The following KCNIP1 variants were observed in gnomAD, a reference collection of about 807,000 sequenced individuals.
The protein encoded by KCNIP1 is potassium voltage-gated channel interacting protein 1, also known as A-type potassium channel modulatory protein KCNIP1.
KCNIP1 carries 18 observed loss-of-function variants against 33.0 expected under a neutral mutation model. That is an observed-to-expected ratio of 0.55 (90% CI 0.38 to 0.81). The LOEUF (loss-of-function observed/expected upper bound fraction) is 0.81. Ranked by LOEUF, KCNIP1 falls within the 30% of genes least tolerant of loss-of-function variation. The pLI is 0.00. For synonymous variants in KCNIP1, 93 were observed against 98.3 expected, an observed-to-expected ratio of 0.95 and a Z score of 0.32; for missense variants, 238 against 271.6, an observed-to-expected ratio of 0.88 and a Z score of 0.87.
At chr5:170,619,934 T>A (rs1478506698) in intron 1 of KCNIP1, among the ~76,000 whole-genome samples, 1 of 152,068 alleles carries the variant, frequency 6.6e-6, no homozygotes, top group Non-Finnish European at 1.5e-5. Context: ...GGTTGAGGGG[T>A]CTGAAGAAGG....
intron 1 of KCNIP1, among the ~76,000 whole-genome samples, chr5:170,546,840 T>C (rs1289823491): frequency 6.6e-6 from 1 of 152,324 alleles, no homozygotes; most frequent in East Asian, 1.9e-4. Flanking sequence ...CGCACATAAA[T>C]ATTAATTTAG....
intron 1 of KCNIP1, among the ~76,000 whole-genome samples, chr5:170,532,572 TGAG>T (rs1238938160): frequency 6.6e-6 from 1 of 152,180 alleles, no homozygotes; most frequent in Non-Finnish European, 1.5e-5. Context: ...CTCTTGGACA[TGAG>T]GAGATATTGG....
chr5:170,665,332 A>AT (rs201353772), intron 1 of KCNIP1, among the ~76,000 whole-genome samples: 28 of 149,834 alleles, frequency 1.9e-4, no homozygotes, highest in African/African-American at 3.9e-4. Context: ...AGAAATCTGG[A>AT]TTTTTTTTTT....
At chr5:170,551,192 G>A (rs1443031474) in intron 1 of KCNIP1, among the ~76,000 whole-genome samples, 1 of 152,182 alleles carries the variant, frequency 6.6e-6, no homozygotes, top group East Asian at 1.9e-4. Flanking sequence ...CAGCTCAATG[G>A]TGAGAGCCTC....
chr5:170,409,416 T>G (rs1186206057), intron 1 of KCNIP1, among the ~76,000 whole-genome samples: 2 of 152,198 alleles, frequency 1.3e-5, no homozygotes, highest in African/African-American at 4.8e-5. Context: ...TGTGTCCAGT[T>G]GCTCTCAGCA....
chr5:170,583,071 T>C (rs996853597), intron 1 of KCNIP1, among the ~76,000 whole-genome samples: 1 of 152,204 alleles, frequency 6.6e-6, no homozygotes, highest in African/African-American at 2.4e-5. Context: ...GGGAGGGCTT[T>C]CACTCTCCTA....
chr5:170,612,076 T>C (rs1043996445), intron 1 of KCNIP1, among the ~76,000 whole-genome samples: 4 of 152,192 alleles, frequency 2.6e-5, no homozygotes, highest in Non-Finnish European at 5.9e-5. Context: ...CCTGTCAGGT[T>C]TCCATATGTG....
intron 1 of KCNIP1, among the ~76,000 whole-genome samples, chr5:170,424,517 G>A (rs1043311517): frequency 2.0e-5 from 3 of 152,132 alleles, no homozygotes; most frequent in African/African-American, 4.8e-5. Context: ...AATGATGAGA[G>A]CAGTGAAGAC....
At chr5:170,405,825 C>A (rs756526069) in intron 1 of KCNIP1, among the ~76,000 whole-genome samples, 7 of 152,178 alleles carry the variant, frequency 4.6e-5, no homozygotes, top group Non-Finnish European at 8.8e-5. Flanking sequence ...GAGCTCCCAT[C>A]CCAGGCTGGC....
chr5:170,387,812 G>T (rs906636200), intron 1 of KCNIP1, among the ~76,000 whole-genome samples: 30 of 152,294 alleles, frequency 2.0e-4, no homozygotes, highest in Middle Eastern at 3.4e-3. Context: ...TAAGCTAAAA[G>T]CCCCAACAGC....
intron 1 of KCNIP1, among the ~76,000 whole-genome samples, chr5:170,511,913 A>T (rs891862144): frequency 1.3e-5 from 2 of 152,320 alleles, no homozygotes; most frequent in African/African-American, 4.8e-5. Context: ...GGGTGCATGG[A>T]TGTTGGGGAG....
chr5:170,501,453 T>C (rs1757411697), upstream of KCNIP1, among the ~76,000 whole-genome samples: 1 of 152,202 alleles, frequency 6.6e-6, no homozygotes, highest in Non-Finnish European at 1.5e-5. Context: ...TCATAATTCA[T>C]GTTCAATGGT....
chr5:170,706,701 A>G (rs2113846590), intron 1 of KCNIP1, among the ~76,000 whole-genome samples: 1 of 152,158 alleles, frequency 6.6e-6, no homozygotes, highest in East Asian at 1.9e-4. Context: ...TCTTGTGGCA[A>G]TTTTACTTTT....
At chr5:170,581,240 C>T (rs565819514) in intron 1 of KCNIP1, among the ~76,000 whole-genome samples, 18 of 152,240 alleles carry the variant, frequency 1.2e-4, no homozygotes, top group South Asian at 4.2e-4. Context: ...ATGAAGACAC[C>T]GAGGCCTGCA....
intron 1 of KCNIP1, among the ~76,000 whole-genome samples, chr5:170,434,486 C>T (rs1227773020): frequency 6.6e-6 from 1 of 152,128 alleles, no homozygotes; most frequent in Non-Finnish European, 1.5e-5. Context: ...CCCAGGAGAT[C>T]AGGATAGGGA....
intron 1 of KCNIP1, among the ~76,000 whole-genome samples, chr5:170,456,758 A>T: frequency 1.2e-5 from 1 of 84,352 alleles, no homozygotes; most frequent in African/African-American, 6.9e-5. Context: ...TAGCTCTGTC[A>T]CTCAGGCTGG....
chr5:170,476,511 G>T (rs943113254), intron 1 of KCNIP1, among the ~76,000 whole-genome samples: 3 of 152,076 alleles, frequency 2.0e-5, no homozygotes, highest in African/African-American at 7.2e-5. Flanking sequence ...GCACACTGTT[G>T]ATAAACACAA....
At position 170,504,192 on chromosome 5, in the gene KCNIP1, G is replaced by A. The variant is rs1218131066; in HGVS notation, c.-381G>A. The stretch of plus-strand genomic sequence containing the variant: ...GCGGCAGGAGGGGCGGGCGGACGGC[G>A]GCTCCCGCACCGCACGCGGCGCTGG... On this transcript the variant is annotated 5_prime_UTR_variant, in exon 1 of 8. Transcript: ENST00000328939. The surrounding 1 kb of genome is among the most constrained non-coding windows in gnomAD (Gnocchi z 6.0). 7.8e-6 allele frequency: 8 copies of A among 1,025,074 alleles called. No homozygotes were observed. The South Asian group carries it at 3.7e-4, about 47-fold the overall frequency. The allele number at this position is 1,025,074 out of a possible 1,614,324, so 63.5% of individuals were successfully genotyped here. A position where few individuals can be genotyped will look rare whatever the true frequency, so the allele number is the denominator to read the frequency against.
chr5:170,526,310 A>G (rs1755566390), intron 1 of KCNIP1, among the ~76,000 whole-genome samples: 1 of 152,178 alleles, frequency 6.6e-6, no homozygotes, highest in Non-Finnish European at 1.5e-5. Flanking sequence ...TGTTGTCAAT[A>G]TCAACTCTAC....
Sources: gnomAD v4.1 joint callset for allele counts (sites outside exome capture counted in the v4.1 genomes callset) on GRCh38, gnomAD v4.1.1 for gene constraint, Gnocchi (gnomAD v3.1) non-coding constraint, MANE v1.5 for transcripts, NCBI Gene and HGNC (gene_info 2026-07-23, HGNC 2026-07-21) for gene names.